The following BRD4 variants were observed in gnomAD, a reference collection of about 807,000 sequenced individuals.
The protein encoded by BRD4 is bromodomain containing 4.
In BRD4, 16 loss-of-function variants were observed where a neutral mutation model predicts 142.1. The ratio of observed to expected loss-of-function variants is 0.11; its 90% CI spans 0.08 to 0.17. BRD4 has a LOEUF of 0.17. Among genes scored for constraint, BRD4 ranks in the 10% least tolerant of loss-of-function variants. The pLI is 1.00. For missense variants in BRD4, 1,424 were observed against 1,810.9 expected (o/e 0.79, Z 3.88); for synonymous variants, 833 against 707.5 (o/e 1.18, Z -2.82).
chr19:15,280,129 G>T, intron 1 of BRD4: 1 of 477,554 alleles, frequency 2.1e-6, no homozygotes, highest in Non-Finnish European at 2.8e-6. Context: ...ACCCTAAAAA[G>T]CAGGCTGCGA....
rs202178619 is a variant in BRD4, at chr19:15,244,415, G to C, written c.2397C>G (p.Pro799=). The change falls in exon 13 of 20, where the codon CCC becomes CCG. Residue 799 remains proline, a synonymous_variant. Transcript: ENST00000679869. ...GGACGGGCACCTGGGTGGCAATGAA[G>C]GGTGGGGGCGAGGACTTCATCGCCG... ...AAPAMKSSPP[P]FIATQVPVLE... is the part of the protein sequence containing the mutation. The C allele has an allele frequency of 3.2e-5, 51 of 1,596,046 alleles. No individual in the cohort carries two copies. The African/African-American group carries it at 6.3e-4, about 20-fold the overall frequency.
chr19:15,270,016 A>G (rs1170334309), intron 2 of BRD4, among the ~76,000 whole-genome samples: 1 of 152,264 alleles, frequency 6.6e-6, no homozygotes, highest in African/African-American at 2.4e-5. Flanking sequence ...TGACTAGACC[A>G]GCTCAGGCTG....
intron 7 of BRD4, among the ~76,000 whole-genome samples, chr19:15,258,318 C>T (rs1477761908): frequency 1.3e-5 from 2 of 152,174 alleles, no homozygotes; most frequent in Non-Finnish European, 2.9e-5. Flanking sequence ...AGTATGACTT[C>T]TTTTAGCCAA....
At chr19:15,264,205 A>G (rs1045970258) in intron 6 of BRD4, 199 bp downstream of exon 6, 7 of 646,290 alleles carry the variant, frequency 1.1e-5, no homozygotes, top group Non-Finnish European at 1.8e-5. Flanking sequence ...TGTAGCCACA[A>G]TGGCCAAGCA....
chr19:15,311,665 G>A (rs535360600), intron 1 of BRD4, among the ~76,000 whole-genome samples: 60 of 151,966 alleles, frequency 3.9e-4, no homozygotes, highest in African/African-American at 1.4e-3. Context: ...AGCCAGGCAT[G>A]GTGGCGGGTG....
At chr19:15,329,025 G>C (rs1306641223) in intron 1 of BRD4, among the ~76,000 whole-genome samples, 4 of 151,562 alleles carry the variant, frequency 2.6e-5, no homozygotes, top group African/African-American at 4.9e-5. Context: ...TGCCCGCCTC[G>C]GCCTCTCAAA....
intron 1 of BRD4, chr19:15,280,529 G>T: frequency 1.2e-6 from 1 of 811,618 alleles, no homozygotes; most frequent in Non-Finnish European, 1.5e-6. Flanking sequence ...GATATATCCC[G>T]TGTCATAGGT....
chr19:15,266,506 A>T lies in BRD4; in HGVS notation c.560-863T>A, dbSNP rs550410389. 2.6e-5 allele frequency among the ~76,000 whole-genome samples: 4 copies of T among 152,342 alleles called. No homozygotes were observed. In the East Asian group the frequency reaches 7.7e-4, roughly 29 times the overall value. ...GAGATGCCACCACGTCTGTCTGCCC[A>T]GCGTGCAGCCCAAACCCCTGGTCCC... On this transcript the variant is annotated intron_variant, in intron 4 of 19. Coordinates refer to ENST00000679869, the MANE Select transcript of BRD4 (RefSeq NM_001379291.1).
intron 11 of BRD4, chr19:15,248,706 GA>G: frequency 4.4e-6 from 1 of 226,384 alleles, no homozygotes; most frequent in Non-Finnish European, 8.8e-6. Flanking sequence ...GCTGTGGGAA[GA>G]GCCTCACTGA....
rs946610754 is a variant in BRD4, at chr19:15,273,210, C to T, written c.-34-77G>A. On this transcript the variant is annotated intron_variant, in intron 1 of 19. Coordinates refer to ENST00000679869, the MANE Select transcript of BRD4 (RefSeq NM_001379291.1). Reference sequence around the variant, plus strand: ...CGCTCAGAATGACAAGTCCCTCTGGCTGTGGTCTCCAAGGACTGAGTTCCC... The same window carrying T: ...CGCTCAGAATGACAAGTCCCTCTGGTTGTGGTCTCCAAGGACTGAGTTCCC... 16 of 1,418,284 alleles carry T rather than the reference C, an allele frequency of 1.1e-5. No individual in the cohort carries two copies. The African/African-American group carries it at 2.0e-4, about 18-fold the overall frequency. The allele number at this position is 1,418,284 out of a possible 1,614,324, so 87.9% of individuals were successfully genotyped here.
At position 15,256,145 on chromosome 19, in the gene BRD4, A is replaced by G. The variant is rs2047406406; in HGVS notation, c.1670T>C (p.Val557Ala). ...GGCTTTGCTTTTTTTATTCTCTTCC[A>G]CTTCCTCTTTCCTTTTGTGCTTTTC... Reference protein sequence around the residue: ...KKEKHKRKEEVEENKKSKAKE... With the variant: ...KKEKHKRKEEAEENKKSKAKE... The change falls in exon 9 of 20, where the codon GTG becomes GCG. Residue 557 changes from valine (V) to alanine (A), a missense_variant. Coordinates refer to ENST00000679869, the MANE Select transcript of BRD4 (RefSeq NM_001379291.1). 11 of 1,611,384 alleles carry G rather than the reference A, an allele frequency of 6.8e-6. No homozygotes were observed. Among genetic ancestry groups the G allele is most frequent in the Non-Finnish European group, 9.3e-6 (11 of 1,179,662 alleles).
chr19:15,322,715 A>T (rs918379739), intron 1 of BRD4, among the ~76,000 whole-genome samples: 2 of 150,546 alleles, frequency 1.3e-5, no homozygotes, highest in African/African-American at 4.9e-5. Context: ...AAAAAAAAAA[A>T]AATTAGCCAG....
intron 1 of BRD4, among the ~76,000 whole-genome samples, chr19:15,278,347 A>T (rs1456212046): frequency 6.6e-6 from 1 of 151,750 alleles, no homozygotes; most frequent in African/African-American, 2.4e-5. Flanking sequence ...CCAGCCTGCC[A>T]ATCTGGTGAA....
intron 3 of BRD4, chr19:15,268,367 T>G (rs925773258): frequency 3.9e-5 from 6 of 153,600 alleles, no homozygotes; most frequent in African/African-American, 1.2e-4. Flanking sequence ...GGTCTACATG[T>G]AGGATCGGGG....
At chr19:15,300,319 T>C (rs935824248) in intron 1 of BRD4, among the ~76,000 whole-genome samples, 1 of 152,020 alleles carries the variant, frequency 6.6e-6, no homozygotes, top group African/African-American at 2.4e-5. Context: ...CCCAGCACTT[T>C]AGCAGGCCAA....
In BRD4 at chr19:15,265,471, G is replaced by C. The variant is rs775993195; in HGVS notation, c.732C>G (p.Pro244=). 3.7e-6 allele frequency: 6 copies of C among 1,602,638 alleles called. No homozygotes were observed. The highest frequency in any genetic ancestry group is 1.3e-5 in the African/African-American group (1 of 74,752). ...VQTPVMTVVP[P]QPLQTPPPVP... is the part of the protein sequence containing the mutation. ...CTGGCGGGGGCGTCTGCAGTGGCTG[G>C]GGAGGCACCACTGTCATGACAGGGG... The change falls in exon 5 of 20, where the codon CCC becomes CCG. Residue 244 remains proline (P), a synonymous_variant. Coordinates refer to ENST00000679869, the MANE Select transcript of BRD4 (RefSeq NM_001379291.1).
At chr19:15,273,735 T>C (rs1174455512) in intron 1 of BRD4, among the ~76,000 whole-genome samples, 1 of 151,414 alleles carries the variant, frequency 6.6e-6, no homozygotes, top group Non-Finnish European at 1.5e-5. Context: ...GTAACTTAAA[T>C]AATGCAGGTC....
intron 1 of BRD4, among the ~76,000 whole-genome samples, chr19:15,290,948 T>C (rs953303044): frequency 1.3e-5 from 2 of 152,200 alleles, no homozygotes; most frequent in Non-Finnish European, 2.9e-5. Context: ...AAAAACTCTA[T>C]TGCATTAAAG....
intron 1 of BRD4, among the ~76,000 whole-genome samples, chr19:15,283,472 A>G (rs1343405281): frequency 1.3e-5 from 2 of 152,234 alleles, no homozygotes; most frequent in Non-Finnish European, 2.9e-5. Flanking sequence ...GAAACATGTT[A>G]TGACAGCTTC....
Sources: allele counts gnomAD v4.1 joint callset (sites outside exome capture counted in the v4.1 genomes callset), GRCh38; gene constraint gnomAD v4.1.1; transcripts MANE v1.5; gene names NCBI Gene and HGNC (gene_info 2026-07-23, HGNC 2026-07-21).